The following PNPLA8 variants were observed in gnomAD, a reference collection of about 807,000 sequenced individuals.
PNPLA8 encodes the protein patatin like domain 8, phospholipase A2, also known as calcium-independent phospholipase A2-gamma.
Under a neutral mutation model 76.9 loss-of-function variants are expected in PNPLA8, and 39 were observed. The observed-to-expected ratio is 0.51, with a 90% CI of 0.39 to 0.66. PNPLA8 has a LOEUF of 0.66. Among genes scored for constraint, PNPLA8 ranks in the 30% least tolerant of loss-of-function variants. The pLI, the probability that PNPLA8 is intolerant of heterozygous loss-of-function variation, is 0.00. For synonymous variants in PNPLA8, 301 were observed against 307.9 expected (o/e 0.98, Z 0.24); for missense variants, 887 against 918.0 (o/e 0.97, Z 0.44).
intron 2 of PNPLA8, among the ~76,000 whole-genome samples, chr7:108,516,531 G>A (rs1863354314): frequency 1.3e-5 from 2 of 152,190 alleles, no homozygotes; most frequent in Non-Finnish European, 2.9e-5. Flanking sequence ...GATGACCTTA[G>A]GAATGGCAAT....
chr7:108,481,151 G>A (rs940654679), intron 9 of PNPLA8, among the ~76,000 whole-genome samples: 1 of 152,116 alleles, frequency 6.6e-6, no homozygotes, highest in Non-Finnish European at 1.5e-5. Context: ...TGACTGTCAC[G>A]AATAAAAAAG....
chr7:108,500,702 G>A (rs1471326707), intron 5 of PNPLA8, among the ~76,000 whole-genome samples: 4 of 152,164 alleles, frequency 2.6e-5, no homozygotes, highest in African/African-American at 9.7e-5. Flanking sequence ...CTGAGGTCAG[G>A]AGCTTGAGAC....
chr7:108,502,669 T>C, intron 4 of PNPLA8, 27 bp from the exon 5 acceptor site: 1 of 1,567,074 alleles, frequency 6.4e-7, no homozygotes, highest in Non-Finnish European at 8.8e-7. Context: ...GATACTTTGT[T>C]GCTTTTGTCA....
In PNPLA8 at chr7:108,472,650, C is replaced by A; in HGVS notation, c.2100G>T (p.Leu700=). The change falls in exon 11 of 11, where the codon CTG becomes CTT. Residue 700 remains leucine, a synonymous_variant. Coordinates refer to ENST00000257694, the MANE Select transcript of PNPLA8 (RefSeq NM_001256007.3). ...TEEVHIMLDG[L]LPPDTYFRFN... is the part of the protein sequence containing the mutation. ...ATCTAAAATAGGTGTCAGGAGGTAA[C>A]AGGCCATCAAGCATTATATGGACTT... 1 of 1,591,680 alleles carries A rather than the reference C, an allele frequency of 6.3e-7. No homozygotes were observed. The highest frequency in any genetic ancestry group is 1.4e-5 in the African/African-American group (1 of 73,372).
In PNPLA8 at chr7:108,523,567, G is replaced by A. The variant is rs962704708; in HGVS notation, c.-129-2046C>T. On this transcript the variant is annotated intron_variant, in intron 1 of 10. Transcript: ENST00000257694. ...AATGTAATCACTGATCATGACCTAC[G>A]TGGCTAATATGGTCCAAGTTACCCT... Among the ~76,000 whole-genome samples, 57 of 152,234 alleles carry A rather than the reference G, an allele frequency of 3.7e-4. 1 individual carries two copies. Among genetic ancestry groups the A allele is most frequent in the African/African-American group, 1.3e-3 (55 of 41,534 alleles).
chr7:108,527,171 T>TA (rs1190973834), upstream of PNPLA8, among the ~76,000 whole-genome samples: 1 of 152,168 alleles, frequency 6.6e-6, no homozygotes, highest in Non-Finnish European at 1.5e-5. Flanking sequence ...TACCCATGGG[T>TA]ATGTATGCTT....
intron 4 of PNPLA8, chr7:108,510,891 A>G (rs1563976781): frequency 6.3e-7 from 1 of 1,590,944 alleles, no homozygotes; most frequent in Admixed American, 1.7e-5. Context: ...GGTGGAATGA[A>G]GAAAAAGACC....
chr7:108,491,232 G>A (rs1283362189), intron 8 of PNPLA8, among the ~76,000 whole-genome samples, 178 bp downstream of exon 8: 5 of 152,156 alleles, frequency 3.3e-5, no homozygotes, highest in Non-Finnish European at 5.9e-5. Flanking sequence ...ACTTGAACCT[G>A]GGAGACGGAG....
At chr7:108,504,095 C>T (rs928071315) in intron 4 of PNPLA8, among the ~76,000 whole-genome samples, 3 of 152,134 alleles carry the variant, frequency 2.0e-5, no homozygotes, top group Non-Finnish European at 4.4e-5. Flanking sequence ...AGGTCTTACC[C>T]AAACTGTAAT....
chr7:108,494,537 A>C (rs1027980619), intron 7 of PNPLA8, among the ~76,000 whole-genome samples: 2 of 152,242 alleles, frequency 1.3e-5, no homozygotes, highest in Non-Finnish European at 2.9e-5. Flanking sequence ...TGCAAAGGAC[A>C]TGATTTTTTT....
Position 108,524,859 on chromosome 7 carries a change from T to C in PNPLA8, c.-130+1170A>G, listed in dbSNP as rs560993199. Among the ~76,000 whole-genome samples the C allele has an allele frequency of 1.4e-4, 22 of 152,304 alleles. No individual in the cohort carries two copies. The South Asian group carries it at 3.9e-3, about 27-fold the overall frequency. ...TGTCTATGGCTCAGCATTCTAACTCTGACCTTTTTACAAATATATATTCCA... is the reference window on the plus strand; with the variant it reads ...TGTCTATGGCTCAGCATTCTAACTCCGACCTTTTTACAAATATATATTCCA... On this transcript the variant is annotated intron_variant, in intron 1 of 10. Transcript: ENST00000257694.
At chr7:108,478,131 G>A (rs151234129) in intron 10 of PNPLA8, among the ~76,000 whole-genome samples, 89 of 152,240 alleles carry the variant, frequency 5.8e-4, no homozygotes, top group African/African-American at 2.1e-3. Flanking sequence ...GAGATGATAA[G>A]GAAAATGGAA....
In PNPLA8 at chr7:108,470,951, T is replaced by C. The variant is rs543314381; in HGVS notation, c.*1450A>G. 4 of 152,298 alleles carry C rather than the reference T, an allele frequency of 2.6e-5. No individual in the cohort carries two copies. The highest frequency in any genetic ancestry group is 4.4e-5 in the Non-Finnish European group (3 of 68,018). 9.4% of individuals were successfully genotyped at this position (152,298 alleles called of 1,614,324 possible). A position where few individuals can be genotyped will look rare whatever the true frequency, so the allele number is the denominator to read the frequency against. On this transcript the variant is annotated 3_prime_UTR_variant, in exon 11 of 11. Coordinates refer to ENST00000257694, the MANE Select transcript of PNPLA8 (RefSeq NM_001256007.3). ...AACCACATCTCACAGCCTCTGTGAATTGATATTGCAAAGAAGCAATATGAC... is the reference window on the plus strand; with the variant it reads ...AACCACATCTCACAGCCTCTGTGAACTGATATTGCAAAGAAGCAATATGAC...
In PNPLA8 at chr7:108,514,633, T is replaced by C; in HGVS notation, c.859A>G (p.Ile287Val). 1 of 1,613,838 alleles carries C rather than the reference T, an allele frequency of 6.2e-7. No homozygotes were observed. The highest frequency in any genetic ancestry group is 8.5e-7 in the Non-Finnish European group (1 of 1,179,746). ...GTGGGACGAGAAAGAAAGTTAGCAA[T>C]ACTTTGTTTAGTTGAAACTTGAAGA... Reference protein sequence around the residue: ...DVLQVSTKQSIANFLSRPTEG... With the variant: ...DVLQVSTKQSVANFLSRPTEG... The change falls in exon 3 of 11, where the codon ATT becomes GTT. Residue 287 changes from isoleucine (I) to valine (V), a missense_variant. Ile to Val is a conservative substitution (Grantham distance 29). Coordinates refer to ENST00000257694, the MANE Select transcript of PNPLA8 (RefSeq NM_001256007.3).
Position 108,496,768 on chromosome 7 carries a change from A to T in PNPLA8, c.1454-13T>A, listed in dbSNP as rs752344118. 1.9e-6 allele frequency: 3 copies of T among 1,601,170 alleles called. No individual in the cohort carries two copies. Among genetic ancestry groups the T allele is most frequent in the Non-Finnish European group, 2.6e-6 (3 of 1,172,094 alleles). ...GCTAATATGGCACCTGGAAAAAAGA[A>T]TCCTTAGCTTTTATCAGTGTTAAGT... On this transcript the variant is annotated splice_polypyrimidine_tract_variant and intron_variant, in intron 6 of 10. Coordinates refer to ENST00000257694, the MANE Select transcript of PNPLA8 (RefSeq NM_001256007.3).
intron 2 of PNPLA8, 49 bp from the exon 3 acceptor site, chr7:108,515,623 G>C (rs1863283384): frequency 4.4e-6 from 5 of 1,128,002 alleles, no homozygotes; most frequent in East Asian, 2.9e-5. Flanking sequence ...AATTGAAATT[G>C]GGTATAACAG....
At chr7:108,507,078 C>G (rs1270729653) in intron 4 of PNPLA8, among the ~76,000 whole-genome samples, 4 of 151,994 alleles carry the variant, frequency 2.6e-5, no homozygotes, top group African/African-American at 9.7e-5. Flanking sequence ...AGCGGTGGCT[C>G]ACGCCTGTAA....
intron 9 of PNPLA8, among the ~76,000 whole-genome samples, chr7:108,480,303 G>C (rs186347202): frequency 6.6e-6 from 1 of 152,178 alleles, no homozygotes; most frequent in Non-Finnish European, 1.5e-5. Context: ...GGGAGGTCAA[G>C]GCTGCAGTGA....
chr7:108,526,638 T>C (rs1864108015), upstream of PNPLA8, among the ~76,000 whole-genome samples: 1 of 152,214 alleles, frequency 6.6e-6, no homozygotes. Flanking sequence ...GCCGCGCCCC[T>C]TTCTCTATAT....
Sources: allele counts gnomAD v4.1 joint callset (sites outside exome capture counted in the v4.1 genomes callset), GRCh38; gene constraint gnomAD v4.1.1; transcripts MANE v1.5; gene names NCBI Gene and HGNC (gene_info 2026-07-23, HGNC 2026-07-21).